The following EIF2AK4 variants were observed in gnomAD, a reference collection of about 807,000 sequenced individuals.
EIF2AK4 encodes the protein eIF-2-alpha kinase GCN2.
Under a neutral mutation model 211.1 loss-of-function variants are expected in EIF2AK4, and 139 were observed. That is an observed-to-expected ratio of 0.66 (90% CI 0.57 to 0.76). The LOEUF is 0.76. EIF2AK4 is among the 30% of genes least tolerant of loss of function. The probability of loss-of-function intolerance (pLI) is 0.00; values close to 1 mark genes in which losing one functional copy is unlikely to be tolerated. For synonymous variants in EIF2AK4, 710 were observed against 751.3 expected, an observed-to-expected ratio of 0.94 and a Z score of 0.90; for missense variants, 1,664 against 2,043.8, an observed-to-expected ratio of 0.81 and a Z score of 3.58.
At chr15:40,001,648 AAAAG>A in intron 21 of EIF2AK4, among the ~76,000 whole-genome samples, 2 of 151,628 alleles carry the variant, frequency 1.3e-5, no homozygotes, top group Non-Finnish European at 2.9e-5. Flanking sequence ...AAAAAAAAAA[AAAAG>A]AAACAGTGCA....
chr15:39,984,607 T>G (rs2034838922), intron 13 of EIF2AK4, among the ~76,000 whole-genome samples: 1 of 152,242 alleles, frequency 6.6e-6, no homozygotes. Context: ...TTATTCTCTT[T>G]ACAGCAATTG....
chr15:39,994,213 G>A (rs1004170971), intron 18 of EIF2AK4, among the ~76,000 whole-genome samples: 1 of 152,254 alleles, frequency 6.6e-6, no homozygotes, highest in Admixed American at 6.5e-5. Flanking sequence ...GAGGAAAGGT[G>A]AGAATCAGAA....
chr15:39,934,176 G>T lies in EIF2AK4; in HGVS notation c.-20G>T, dbSNP rs187704346. ...ACCGCCGCCCAGGCAAGGCCGCCCT[G>T]CCTTGGGCGCAGCGCTGCCATGGCT... On this transcript the variant is annotated 5_prime_UTR_variant, in exon 1 of 39. Transcript: ENST00000263791. 17 of 1,491,400 alleles carry T rather than the reference G, an allele frequency of 1.1e-5. No individual in the cohort carries two copies. The highest frequency in any genetic ancestry group is 2.5e-5 in the South Asian group (2 of 79,406). 92.4% of individuals were successfully genotyped at this position (1,491,400 alleles called of 1,614,324 possible). A position where few individuals can be genotyped will look rare whatever the true frequency, so the allele number is the denominator to read the frequency against.
intron 14 of EIF2AK4, among the ~76,000 whole-genome samples, chr15:39,987,541 T>C (rs1310620825): frequency 6.6e-6 from 1 of 152,232 alleles, no homozygotes; most frequent in African/African-American, 2.4e-5. Context: ...CTTGAATGTT[T>C]TAATATTTAT....
chr15:40,002,502 G>T, intron 21 of EIF2AK4: 1 of 488,746 alleles, frequency 2.0e-6, no homozygotes, highest in Non-Finnish European at 3.7e-6. Context: ...CCTTCCCATT[G>T]GTTGAAAGGT....
At chr15:40,029,369 G>T in intron 33 of EIF2AK4, 37 bp from the exon 34 acceptor site, 1 of 1,609,552 alleles carries the variant, frequency 6.2e-7, no homozygotes, top group South Asian at 1.1e-5. Flanking sequence ...GTGCCTTATT[G>T]ACTGTTCTTT....
chr15:40,033,131 T>C (rs532123719), intron 37 of EIF2AK4, among the ~76,000 whole-genome samples: 20 of 152,334 alleles, frequency 1.3e-4, no homozygotes, highest in Non-Finnish European at 2.5e-4. Flanking sequence ...CATTTAATCA[T>C]TACCACCCCA....
chr15:39,946,856 T>G (rs1196337366), intron 3 of EIF2AK4: 1 of 569,404 alleles, frequency 1.8e-6, no homozygotes, highest in African/African-American at 1.9e-5. Flanking sequence ...CAGATGATCA[T>G]TAGCATTTTT....
At chr15:40,015,174 A>G (rs1421208193) in intron 27 of EIF2AK4, among the ~76,000 whole-genome samples, 5 of 151,714 alleles carry the variant, frequency 3.3e-5, no homozygotes, top group Non-Finnish European at 7.4e-5. Context: ...AACTGTTCCA[A>G]CCTCTGCCTG....
chr15:40,016,467 G>A, intron 27 of EIF2AK4, 35 bp from the exon 28 acceptor site: 1 of 1,613,192 alleles, frequency 6.2e-7, no homozygotes. Context: ...CCCCTGCTGT[G>A]GATGGGCAGC....
In EIF2AK4 at chr15:40,020,929, G is replaced by GT. The variant is rs1085307444; in HGVS notation, c.4205dup (p.Ser1403LysfsTer45). 4 of 1,612,378 alleles carry GT rather than the reference G, an allele frequency of 2.5e-6. No homozygotes were observed. Among genetic ancestry groups the GT allele is most frequent in the Admixed American group, 1.7e-5 (1 of 59,854 alleles). On this transcript the variant is annotated frameshift_variant, in exon 31 of 39. Coordinates refer to ENST00000263791, the MANE Select transcript of EIF2AK4 (RefSeq NM_001013703.4). LOFTEE classifies it high-confidence loss of function. ...AATAAGCTCTTGTGACCTCCTGGTT[G>GT]TAAGTGTTGGCCAGATGTCTATGTC...
intron 8 of EIF2AK4, 26 bp downstream of exon 8, chr15:39,965,869 G>T: frequency 1.2e-6 from 2 of 1,611,926 alleles, no homozygotes; most frequent in Non-Finnish European, 8.5e-7. Flanking sequence ...GGCTGACTGA[G>T]CAAAAGGCCT....
intron 1 of EIF2AK4, among the ~76,000 whole-genome samples, chr15:39,936,135 G>A (rs1182127098): frequency 1.3e-5 from 2 of 152,182 alleles, no homozygotes; most frequent in East Asian, 3.9e-4. Flanking sequence ...ACTTCTTTTA[G>A]GTAGGGATAT....
Position 39,973,673 on chromosome 15 carries a change from G to A in EIF2AK4, c.1742G>A (p.Arg581Lys). ...PSAAFFSETQRQFSRYFIEFE... is the reference protein window; with the variant it reads ...PSAAFFSETQKQFSRYFIEFE... ...GCTGCCTTCTTTAGTGAGACACAGAGACAGTTTTCCCGATACTTCATTGAG... is the reference window on the plus strand; with the variant it reads ...GCTGCCTTCTTTAGTGAGACACAGAAACAGTTTTCCCGATACTTCATTGAG... The change falls in exon 11 of 39, where the codon AGA (arginine) becomes AAA (lysine). Residue 581 changes from arginine to lysine, a missense_variant. By Grantham distance (26) the Arg-to-Lys change is conservative. Around this residue, in one of 7 missense-constraint regions of EIF2AK4, gnomAD observed 641 missense variants for 729.6 expected, o/e 0.88. Transcript: ENST00000263791. 6.2e-7 allele frequency: 1 copy of A among 1,614,174 alleles called. No homozygotes were observed. Among genetic ancestry groups the A allele is most frequent in the Non-Finnish European group, 8.5e-7 (1 of 1,180,018 alleles).
chr15:40,031,731 C>T (rs11632168), intron 35 of EIF2AK4, among the ~76,000 whole-genome samples: 44,260 of 148,812 alleles, frequency 0.3, 7,320 homozygotes, highest in Non-Finnish European at 0.38. Context: ...AGCAAATCTT[C>T]TTTTTTTTTT....
intron 31 of EIF2AK4, chr15:40,022,100 T>C (rs1438383579): frequency 1.8e-5 from 3 of 166,610 alleles, no homozygotes; most frequent in African/African-American, 2.4e-5. Context: ...CTCTGCCCCC[T>C]CCTGGTTTGC....
chr15:40,019,911 G>A (rs1275522747), intron 30 of EIF2AK4, among the ~76,000 whole-genome samples: 2 of 152,048 alleles, frequency 1.3e-5, no homozygotes, highest in African/African-American at 2.4e-5. Flanking sequence ...TATAATCCCA[G>A]CACTTTGGAA....
chr15:40,027,654 G>T lies in EIF2AK4; in HGVS notation c.4502+1565G>T, dbSNP rs2035481771. Among the ~76,000 whole-genome samples the T allele has an allele frequency of 2.0e-5, 3 of 152,176 alleles. No individual in the cohort carries two copies. The South Asian group carries it at 6.2e-4, about 32-fold the overall frequency. ...GCCTGTAATCCCAGCACTTTGGGAG[G>T]CCGAGAAGGGGGGATCATGAGGTCA... is the stretch of plus-strand genomic sequence containing the variant. On this transcript the variant is annotated intron_variant, in intron 33 of 38. Transcript: ENST00000263791.
chr15:39,997,821 G>T (rs1046422492), intron 19 of EIF2AK4, among the ~76,000 whole-genome samples: 1 of 152,216 alleles, frequency 6.6e-6, no homozygotes, highest in Admixed American at 6.5e-5. Context: ...ACCGCATTAA[G>T]ATGAAAGTGA....
Sources: gnomAD v4.1 joint callset for allele counts (sites outside exome capture counted in the v4.1 genomes callset) on GRCh38, gnomAD v4.1.1 for gene constraint, gnomAD v4.1.1 regional missense constraint, MANE v1.5 for transcripts, NCBI Gene and HGNC (gene_info 2026-07-23, HGNC 2026-07-21) for gene names.